The following IMMP2L variants were observed in gnomAD, a reference collection of about 807,000 sequenced individuals.
IMMP2L encodes inner mitochondrial membrane peptidase subunit 2.
A neutral mutation model predicts 19.3 loss-of-function variants in IMMP2L; 18 were observed. The observed-to-expected ratio is 0.93, with a 90% CI of 0.64 to 1.38. The LOEUF is 1.38. IMMP2L is among the 40% of genes most tolerant of loss of function. The probability of loss-of-function intolerance (pLI) is 0.00; values close to 1 mark genes in which losing one functional copy is unlikely to be tolerated. For missense variants in IMMP2L, 233 were observed against 218.2 expected, an observed-to-expected ratio of 1.07 and a Z score of -0.43; for synonymous variants, 76 against 73.0, an observed-to-expected ratio of 1.04 and a Z score of -0.21.
At chr7:110,684,510 T>C (rs977809188) in intron 5 of IMMP2L, among the ~76,000 whole-genome samples, 8 of 152,024 alleles carry the variant, frequency 5.3e-5, no homozygotes, top group African/African-American at 1.7e-4. Flanking sequence ...TAATTTACAA[T>C]ATATCACACA....
In IMMP2L at chr7:110,803,369, T is replaced by C. The variant is rs950329646; in HGVS notation, c.408+83224A>G. Reference sequence around the variant, plus strand: ...TGCAGAACCTGGACTCAATTTGATCTGCCATAGAGAGACACTGAGTGTGGA... The same window carrying C: ...TGCAGAACCTGGACTCAATTTGATCCGCCATAGAGAGACACTGAGTGTGGA... On this transcript the variant is annotated intron_variant, in intron 5 of 5. Transcript: ENST00000405709. This position sits in a 1 kb window ranked among gnomAD's most constrained non-coding sequence, Gnocchi z 4.2. Among the ~76,000 whole-genome samples, 6 of 152,092 alleles carry C rather than the reference T, an allele frequency of 3.9e-5. No homozygotes were observed. Among genetic ancestry groups the C allele is most frequent in the African/African-American group, 1.4e-4 (6 of 41,450 alleles).
chr7:111,462,173 ATTGT>A (rs1840193961), intron 3 of IMMP2L, among the ~76,000 whole-genome samples: 2 of 152,146 alleles, frequency 1.3e-5, no homozygotes, highest in South Asian at 2.1e-4. Context: ...ATAACCAGTA[ATTGT>A]TTGAGCAACT....
intron 3 of IMMP2L, 101 bp from the exon 4 acceptor site, chr7:110,963,666 C>T: frequency 3.2e-6 from 2 of 620,608 alleles, no homozygotes; most frequent in Admixed American, 6.8e-5. Flanking sequence ...AAAGTCTTTA[C>T]AGATTCCTTT....
At chr7:111,560,973 G>T (rs1053234689) in intron 1 of IMMP2L, among the ~76,000 whole-genome samples, 1 of 152,162 alleles carries the variant, frequency 6.6e-6, no homozygotes, top group African/African-American at 2.4e-5. Context: ...ATCCAAGAAT[G>T]CAGTTTTACT....
intron 5 of IMMP2L, among the ~76,000 whole-genome samples, chr7:110,669,088 T>TATA (rs1791697653): frequency 7.8e-6 from 1 of 128,348 alleles, no homozygotes; most frequent in African/African-American, 4.2e-5. Context: ...TGTGTGTGTG[T>TATA]GTATATGTAT....
intron 3 of IMMP2L, among the ~76,000 whole-genome samples, chr7:111,194,655 A>G (rs1016966691): frequency 6.6e-6 from 1 of 152,196 alleles, no homozygotes; most frequent in Non-Finnish European, 1.5e-5. Flanking sequence ...AGTCAAATAT[A>G]TATGGAGCTG....
intron 5 of IMMP2L, among the ~76,000 whole-genome samples, chr7:110,718,239 T>C (rs1351897219): frequency 6.6e-6 from 1 of 152,242 alleles, no homozygotes; most frequent in African/African-American, 2.4e-5. Flanking sequence ...ATTTCTGGTG[T>C]AAAAGTAGAA....
rs531128165 is a variant in IMMP2L, at chr7:111,277,261, T to TA, written c.239+209976dup. Among the ~76,000 whole-genome samples the TA allele has an allele frequency of 1.3e-3, 197 of 146,512 alleles. 1 individual carries two copies. The highest frequency in any genetic ancestry group is 3.5e-3 in the African/African-American group (138 of 39,882). ...AACGAACTCAAACAACTCTACAAGA[T>TA]AAAAAAAAAATTAAAAAGTGAGCAA... On this transcript the variant is annotated intron_variant, in intron 3 of 5. Transcript: ENST00000405709.
At chr7:111,237,677 T>G (rs553208844) in intron 3 of IMMP2L, among the ~76,000 whole-genome samples, 18 of 151,914 alleles carry the variant, frequency 1.2e-4, no homozygotes, top group African/African-American at 4.3e-4. Context: ...TAAATGTATA[T>G]AATCTGTTTC....
chr7:111,352,044 T>C (rs1828213974), intron 3 of IMMP2L, among the ~76,000 whole-genome samples: 1 of 152,192 alleles, frequency 6.6e-6, no homozygotes, highest in South Asian at 2.1e-4. Context: ...AGTTGCATTT[T>C]ATATCAGTAT....
chr7:111,087,981 A>G (rs1228561586), intron 3 of IMMP2L, among the ~76,000 whole-genome samples: 1 of 152,220 alleles, frequency 6.6e-6, no homozygotes, highest in Non-Finnish European at 1.5e-5. Flanking sequence ...CTTTTAAACC[A>G]AGATGCACGA....
At chr7:110,972,029 A>G (rs1217562018) in intron 3 of IMMP2L, among the ~76,000 whole-genome samples, 1 of 152,074 alleles carries the variant, frequency 6.6e-6, no homozygotes. Flanking sequence ...ATCCTGACAC[A>G]TTTCTGTTCC....
chr7:111,103,685 T>A (rs1586285242), intron 3 of IMMP2L, among the ~76,000 whole-genome samples: 1 of 151,754 alleles, frequency 6.6e-6, no homozygotes, highest in East Asian at 1.9e-4. Context: ...GACTTCTTAA[T>A]ATGATAGTGA....
At chr7:111,430,704 A>G (rs1325065129) in intron 3 of IMMP2L, among the ~76,000 whole-genome samples, 2 of 151,830 alleles carry the variant, frequency 1.3e-5, no homozygotes, top group African/African-American at 2.4e-5. Flanking sequence ...GTACACTCAA[A>G]TATTGTCTTG....
chr7:110,929,065 T>G (rs938619980), intron 4 of IMMP2L, among the ~76,000 whole-genome samples: 14 of 152,104 alleles, frequency 9.2e-5, no homozygotes, highest in Admixed American at 6.6e-5. Flanking sequence ...AGCAGAAAAT[T>G]TTCCTTATGT....
chr7:111,492,211 G>T, intron 2 of IMMP2L: 1 of 169,794 alleles, frequency 5.9e-6, no homozygotes. Context: ...ACACATTTTA[G>T]TGGAAAGAAT....
intron 3 of IMMP2L, among the ~76,000 whole-genome samples, chr7:111,040,089 C>T (rs189095078): frequency 2.1e-3 from 314 of 152,156 alleles, no homozygotes; most frequent in Non-Finnish European, 3.8e-3. Flanking sequence ...CACTTGAAGC[C>T]GGGAGGCAGA....
chr7:111,353,295 G>A (rs550481297), intron 3 of IMMP2L, among the ~76,000 whole-genome samples: 1 of 152,296 alleles, frequency 6.6e-6, no homozygotes, highest in African/African-American at 2.4e-5. Context: ...GTAGAGGAAA[G>A]AAAGGCAGAA....
chr7:111,188,355 G>A (rs1312958221), intron 3 of IMMP2L, among the ~76,000 whole-genome samples: 1 of 152,112 alleles, frequency 6.6e-6, no homozygotes, highest in African/African-American at 2.4e-5. Flanking sequence ...TGTCAGCTTG[G>A]TCAAGTTCTG....
Sources: gnomAD v4.1 joint callset for allele counts (sites outside exome capture counted in the v4.1 genomes callset) on GRCh38, gnomAD v4.1.1 for gene constraint, Gnocchi (gnomAD v3.1) non-coding constraint, MANE v1.5 for transcripts, NCBI Gene and HGNC (gene_info 2026-07-23, HGNC 2026-07-21) for gene names.